KIAA0040: variants seen among roughly 807,000 people sequenced by gnomAD.
KIAA0040 encodes uncharacterized protein KIAA0040.
A neutral mutation model predicts 7.2 loss-of-function variants in KIAA0040; 10 were observed. The ratio of observed to expected loss-of-function variants is 1.38; its 90% confidence interval spans 0.85 to 2.34. KIAA0040 has a LOEUF of 2.34. KIAA0040 is among the 30% of genes most tolerant of loss of function. The pLI, the probability that KIAA0040 is intolerant of heterozygous loss-of-function variation, is 0.00. For missense variants in KIAA0040, 89 were observed against 108.2 expected (o/e 0.82, Z 0.79); for synonymous variants, 49 against 40.1 (o/e 1.22, Z -0.84).
rs750604847 is a variant in KIAA0040 at position 175,182,644 on chromosome 1, G to C, written c.-383-4960C>G. Reference sequence around the variant, plus strand: ...TCACCCAGCTTGTGTGACCCTCTCAGATGGACCAGCCTGGGTCAAAGCCTG... The same window carrying C: ...TCACCCAGCTTGTGTGACCCTCTCACATGGACCAGCCTGGGTCAAAGCCTG... On this transcript the variant is annotated intron_variant, in intron 1 of 3. Coordinates refer to ENST00000423313, the MANE Select transcript of KIAA0040 (RefSeq NM_014656.3). Among the ~76,000 whole-genome samples the C allele has an allele frequency of 2.0e-5, 3 of 152,216 alleles. No individual in the cohort carries two copies. In the East Asian group the frequency reaches 5.8e-4, roughly 29 times the overall value.
chr1:175,175,251 T>C (rs1207212888), intron 2 of KIAA0040, among the ~76,000 whole-genome samples: 2 of 152,192 alleles, frequency 1.3e-5, no homozygotes, highest in Non-Finnish European at 2.9e-5. Context: ...CATAATTCTA[T>C]GCAGCCAACA....
intron 2 of KIAA0040, among the ~76,000 whole-genome samples, chr1:175,174,786 T>A (rs1677119802): frequency 7.3e-6 from 1 of 136,986 alleles, no homozygotes; most frequent in Non-Finnish European, 1.6e-5. Flanking sequence ...ACACTTCTAT[T>A]CGTCATCTGT....
chr1:175,160,282 C>T lies in KIAA0040; in HGVS notation c.*432G>A, dbSNP rs761858221. 1.2e-5 allele frequency: 2 copies of T among 169,854 alleles called. No homozygotes were observed. The highest frequency in any genetic ancestry group is 2.6e-5 in the Non-Finnish European group (2 of 78,238). The allele number at this position is 169,854 out of a possible 1,614,324, so 10.5% of individuals were successfully genotyped here. A position where few individuals can be genotyped will look rare whatever the true frequency, so the allele number is the denominator to read the frequency against. On this transcript the variant is annotated 3_prime_UTR_variant, in exon 4 of 4. Transcript: ENST00000423313. ...TTTGTGACTGTAGATAATGTACTTC[C>T]CTGCACAAAGTACATAGCCAATGAC... is the stretch of plus-strand genomic sequence containing the variant.
intron 1 of KIAA0040, among the ~76,000 whole-genome samples, chr1:175,179,656 T>C (rs1160158596): frequency 6.6e-6 from 1 of 152,208 alleles, no homozygotes; most frequent in African/African-American, 2.4e-5. Context: ...TGGGTTTATT[T>C]ATGATTGGTG....
At position 175,158,333 on chromosome 1, in the gene KIAA0040, G is replaced by A. The variant is rs900978188; in HGVS notation, c.*2381C>T. On this transcript the variant is annotated 3_prime_UTR_variant, in exon 4 of 4. Coordinates refer to ENST00000423313, the MANE Select transcript of KIAA0040 (RefSeq NM_014656.3). ...GTCCATTGGATTAGGAGACAGCAGGGACATTGTGCCTGGAGATAGAGGCCT... is the reference window on the plus strand; with the variant it reads ...GTCCATTGGATTAGGAGACAGCAGGAACATTGTGCCTGGAGATAGAGGCCT... 8 of 152,288 alleles carry A rather than the reference G, an allele frequency of 5.3e-5. No individual in the cohort carries two copies. Among genetic ancestry groups the A allele is most frequent in the African/African-American group, 1.7e-4 (7 of 41,544 alleles). 9.4% of individuals were successfully genotyped at this position (152,288 alleles called of 1,614,324 possible). A position where few individuals can be genotyped will look rare whatever the true frequency, so the allele number is the denominator to read the frequency against.
chr1:175,164,844 T>C (rs1352352448), intron 3 of KIAA0040, among the ~76,000 whole-genome samples: 1 of 151,294 alleles, frequency 6.6e-6, no homozygotes. Flanking sequence ...AACAATCAAA[T>C]ATCTCCTTAG....
intron 2 of KIAA0040, among the ~76,000 whole-genome samples, chr1:175,167,320 G>A (rs1370801778): frequency 6.6e-6 from 1 of 151,962 alleles, no homozygotes; most frequent in Non-Finnish European, 1.5e-5. Flanking sequence ...TAAAGAATGA[G>A]TTCAATTGTT....
chr1:175,177,309 A>G (rs1677244390), intron 2 of KIAA0040, among the ~76,000 whole-genome samples: 1 of 152,228 alleles, frequency 6.6e-6, no homozygotes, highest in Non-Finnish European at 1.5e-5. Flanking sequence ...TTGATAGAGC[A>G]AGACATTCTG....
At chr1:175,166,099 G>A (rs962512461) in intron 3 of KIAA0040, among the ~76,000 whole-genome samples, 1 of 152,136 alleles carries the variant, frequency 6.6e-6, no homozygotes, top group Non-Finnish European at 1.5e-5. Context: ...AGTTCTCTAT[G>A]AGAACCTTAA....
chr1:175,177,264 G>C (rs147371509), intron 2 of KIAA0040, among the ~76,000 whole-genome samples: 15 of 152,266 alleles, frequency 9.9e-5, no homozygotes. Context: ...AAAGTATCAG[G>C]GTCTTGAAGA....
At chr1:175,189,965 G>A (rs1030320188) in intron 1 of KIAA0040, among the ~76,000 whole-genome samples, 7 of 152,122 alleles carry the variant, frequency 4.6e-5, no homozygotes, top group African/African-American at 1.7e-4. Context: ...ATCCTGAGCC[G>A]AGCACTGGCA....
rs573628133 is a variant in KIAA0040 at position 175,185,027 on chromosome 1, A to C, written c.-383-7343T>G. Among the ~76,000 whole-genome samples, 7 of 152,314 alleles carry C rather than the reference A, an allele frequency of 4.6e-5. No homozygotes were observed. In the South Asian group the frequency reaches 1.5e-3, roughly 32 times the overall value. On this transcript the variant is annotated intron_variant, in intron 1 of 3. Transcript: ENST00000423313. Reference sequence around the variant, plus strand: ...TGGAGACCTCAATTTCTTCTTCTATAAAATAGGGATGTTACAGGTTGAATA... The same window carrying C: ...TGGAGACCTCAATTTCTTCTTCTATCAAATAGGGATGTTACAGGTTGAATA...
intron 1 of KIAA0040, among the ~76,000 whole-genome samples, chr1:175,185,063 GA>G (rs1201876204): frequency 1.3e-5 from 2 of 152,144 alleles, no homozygotes; most frequent in Non-Finnish European, 2.9e-5. Flanking sequence ...TCCCTAATCT[GA>G]AAATCCAAAA....
At chr1:175,182,938 T>G (rs1571212971) in intron 1 of KIAA0040, among the ~76,000 whole-genome samples, 2 of 152,240 alleles carry the variant, frequency 1.3e-5, no homozygotes, top group Non-Finnish European at 2.9e-5. Flanking sequence ...AGCTCGAGTA[T>G]GCAAAAGGGA....
At chr1:175,167,174 A>C (rs1405810639) in intron 2 of KIAA0040, among the ~76,000 whole-genome samples, 1 of 152,222 alleles carries the variant, frequency 6.6e-6, no homozygotes, top group Non-Finnish European at 1.5e-5. Flanking sequence ...AATGACAAAA[A>C]CAGCAAACAC....
intron 1 of KIAA0040, among the ~76,000 whole-genome samples, chr1:175,189,092 G>A (rs75650643): frequency 0.018 from 2,708 of 152,276 alleles, 63 homozygotes; most frequent in African/African-American, 0.057. Context: ...CTTCTCGGAA[G>A]TGTTTTTCCA....
chr1:175,177,559 T>A (rs1677252559), intron 2 of KIAA0040, 52 bp downstream of exon 2: 1 of 152,242 alleles, frequency 6.6e-6, no homozygotes, highest in Non-Finnish European at 1.5e-5. Context: ...AAGGGTAGTT[T>A]GAGTGCAGAG....
At chr1:175,170,783 TCCTC>T (rs1676959690) in intron 2 of KIAA0040, among the ~76,000 whole-genome samples, 1 of 151,810 alleles carries the variant, frequency 6.6e-6, no homozygotes, top group Admixed American at 6.6e-5. Flanking sequence ...CTGGTTCTGC[TCCTC>T]CCTCCCTCCG....
Position 175,160,480 on chromosome 1 carries a change from C to T in KIAA0040, c.*234G>A. ...CAGGTGGGAGGCATGCCTGGGTCTG[C>T]AGTAAGGAGCATTGCTATTGGACAC... On this transcript the variant is annotated 3_prime_UTR_variant, in exon 4 of 4. Coordinates refer to ENST00000423313, the MANE Select transcript of KIAA0040 (RefSeq NM_014656.3). 1 of 516,220 alleles carries T rather than the reference C, an allele frequency of 1.9e-6. No homozygotes were observed. Among genetic ancestry groups the T allele is most frequent in the Non-Finnish European group, 3.4e-6 (1 of 290,188 alleles). 32.0% of individuals were successfully genotyped at this position (516,220 alleles called of 1,614,324 possible).
Sources: gnomAD v4.1 joint callset for allele counts (sites outside exome capture counted in the v4.1 genomes callset) on GRCh38, gnomAD v4.1.1 for gene constraint, MANE v1.5 for transcripts, NCBI Gene and HGNC (gene_info 2026-07-23, HGNC 2026-07-21) for gene names.